The following RALGPS2 variants were observed in gnomAD, a reference collection of about 807,000 sequenced individuals.
RALGPS2 encodes ras-specific guanine nucleotide-releasing factor RalGPS2.
RALGPS2 carries 43 observed loss-of-function variants against 86.8 expected under a neutral mutation model. The observed-to-expected ratio is 0.50, with a 90% CI of 0.39 to 0.64. The LOEUF is 0.64. Ranked by LOEUF, RALGPS2 falls within the 30% of genes least tolerant of loss-of-function variation. The probability of loss-of-function intolerance (pLI) is 0.00; values close to 1 mark genes in which losing one functional copy is unlikely to be tolerated. For missense variants in RALGPS2, 536 were observed against 694.6 expected, an observed-to-expected ratio of 0.77 and a Z score of 2.57; for synonymous variants, 243 against 231.3, an observed-to-expected ratio of 1.05 and a Z score of -0.46.
At chr1:178,840,218 G>T (rs559084659) in intron 8 of RALGPS2, among the ~76,000 whole-genome samples, 7 of 152,212 alleles carry the variant, frequency 4.6e-5, no homozygotes, top group African/African-American at 1.7e-4. Flanking sequence ...GCACCATGTT[G>T]CACTTATTCC....
intron 19 of RALGPS2, among the ~76,000 whole-genome samples, chr1:178,913,989 A>G (rs1277454409): frequency 6.6e-6 from 1 of 152,178 alleles, no homozygotes; most frequent in Non-Finnish European, 1.5e-5. Context: ...CTATGGTGAC[A>G]GTCGCCCGCA....
intron 8 of RALGPS2, among the ~76,000 whole-genome samples, chr1:178,856,975 T>C (rs963732203): frequency 1.3e-5 from 2 of 152,180 alleles, no homozygotes; most frequent in African/African-American, 4.8e-5. Flanking sequence ...GTATAACCTC[T>C]CTGTTTTGCT....
chr1:178,775,749 CTAAT>C (rs1653047584), intron 1 of RALGPS2, among the ~76,000 whole-genome samples: 1 of 151,980 alleles, frequency 6.6e-6, no homozygotes, highest in Admixed American at 6.6e-5. Context: ...TATATCTTCC[CTAAT>C]TAGTGTTATT....
intron 8 of RALGPS2, among the ~76,000 whole-genome samples, chr1:178,834,945 T>G (rs1656202411): frequency 6.6e-6 from 1 of 152,064 alleles, no homozygotes; most frequent in Non-Finnish European, 1.5e-5. Flanking sequence ...GCCCAGCTAA[T>G]TTTTGTATTT....
At chr1:178,851,366 G>A in intron 8 of RALGPS2, 1 of 1,492,424 alleles carries the variant, frequency 6.7e-7, no homozygotes, top group Non-Finnish European at 9.0e-7. Context: ...TCTAGGTGTG[G>A]TACTCTGCAA....
chr1:178,800,224 C>G (rs973598535), intron 4 of RALGPS2, among the ~76,000 whole-genome samples: 11 of 152,144 alleles, frequency 7.2e-5, no homozygotes, highest in African/African-American at 2.7e-4. Flanking sequence ...CATTTGACTT[C>G]TTTTACAACA....
At chr1:178,796,622 G>A (rs2102158285) in intron 4 of RALGPS2, among the ~76,000 whole-genome samples, 1 of 151,876 alleles carries the variant, frequency 6.6e-6, no homozygotes, top group South Asian at 2.1e-4. Context: ...CTATCTGTAG[G>A]TATCCCTACA....
At chr1:178,795,280 A>G (rs1277714940) in intron 4 of RALGPS2, among the ~76,000 whole-genome samples, 1 of 152,232 alleles carries the variant, frequency 6.6e-6, no homozygotes, top group Non-Finnish European at 1.5e-5. Flanking sequence ...CAGATATTAA[A>G]TTCAAAAAAT....
chr1:178,806,700 A>G (rs1654765578), intron 4 of RALGPS2, among the ~76,000 whole-genome samples: 1 of 151,994 alleles, frequency 6.6e-6, no homozygotes, highest in Non-Finnish European at 1.5e-5. Context: ...TTTCTCATGT[A>G]TTAAAAAATA....
chr1:178,820,202 C>T (rs948771409), intron 6 of RALGPS2, among the ~76,000 whole-genome samples: 32 of 152,148 alleles, frequency 2.1e-4, no homozygotes, highest in African/African-American at 7.5e-4. Flanking sequence ...GACCACACTA[C>T]CAAATAAACA....
chr1:178,792,574 T>TTA (rs1654005924), intron 4 of RALGPS2, among the ~76,000 whole-genome samples: 1 of 152,102 alleles, frequency 6.6e-6, no homozygotes, highest in Non-Finnish European at 1.5e-5. Flanking sequence ...GCTCAGTCAG[T>TTA]TATATATATC....
intron 4 of RALGPS2, among the ~76,000 whole-genome samples, chr1:178,795,102 C>T (rs143800738): frequency 0.029 from 4,354 of 151,770 alleles, 207 homozygotes; most frequent in African/African-American, 0.1. Context: ...ATCGCTTGAA[C>T]CAGGGAGGCA....
intron 8 of RALGPS2, chr1:178,853,524 C>A: frequency 8.3e-7 from 1 of 1,205,996 alleles, no homozygotes; most frequent in Non-Finnish European, 1.1e-6. Flanking sequence ...TATTGCATAG[C>A]ATCTTGTTTC....
intron 7 of RALGPS2, among the ~76,000 whole-genome samples, chr1:178,823,430 T>A (rs990614683): frequency 2.0e-5 from 3 of 150,662 alleles, no homozygotes; most frequent in African/African-American, 7.5e-5. Flanking sequence ...ATAAATGACA[T>A]AAATAGCAAT....
chr1:178,875,927 T>C (rs1004520593), intron 8 of RALGPS2, among the ~76,000 whole-genome samples: 1 of 151,974 alleles, frequency 6.6e-6, no homozygotes, highest in Non-Finnish European at 1.5e-5. Context: ...TTGGGGAAAG[T>C]GGGAAGAACC....
In RALGPS2 at chr1:178,885,214, C is replaced by A. The variant is rs746917069; in HGVS notation, c.1040+3C>A. On this transcript the variant is annotated splice_donor_region_variant and intron_variant, in intron 12 of 19. Coordinates refer to ENST00000367635, the MANE Select transcript of RALGPS2 (RefSeq NM_152663.5). ...AAGTGCCATAGTTTGGGTTATAAGT[C>A]AGCATTTTTAATTTTATCTTTCAAA... The A allele has an allele frequency of 1.2e-6, 2 of 1,603,386 alleles. No homozygotes were observed. The highest frequency in any genetic ancestry group is 1.7e-6 in the Non-Finnish European group (2 of 1,176,774).
intron 8 of RALGPS2, among the ~76,000 whole-genome samples, chr1:178,875,092 GTCA>G (rs774845339): frequency 1.3e-5 from 2 of 152,110 alleles, no homozygotes; most frequent in African/African-American, 2.4e-5. Flanking sequence ...TGCAAAATTG[GTCA>G]TCACTGATTA....
At chr1:178,741,231 G>A (rs375620147) in intron 1 of RALGPS2, among the ~76,000 whole-genome samples, 7 of 152,244 alleles carry the variant, frequency 4.6e-5, no homozygotes, top group African/African-American at 1.7e-4. Flanking sequence ...GGTGTTCTAA[G>A]CATTTTACCT....
intron 1 of RALGPS2, among the ~76,000 whole-genome samples, chr1:178,744,277 G>GA (rs1214055069): frequency 1.3e-5 from 2 of 152,176 alleles, no homozygotes. Context: ...GGGGGCAGGG[G>GA]AGGCAAGCAT....
Sources: gnomAD v4.1 joint callset for allele counts (sites outside exome capture counted in the v4.1 genomes callset) on GRCh38, gnomAD v4.1.1 for gene constraint, MANE v1.5 for transcripts, NCBI Gene and HGNC (gene_info 2026-07-23, HGNC 2026-07-21) for gene names.